ANGEL1: variants seen among roughly 807,000 people sequenced by gnomAD.
ANGEL1 encodes RNA 2',3'-cyclic phosphatase ANGEL1.
A neutral mutation model predicts 76.4 loss-of-function variants in ANGEL1; 62 were observed. The ratio of observed to expected loss-of-function variants is 0.81; its 90% CI spans 0.66 to 1.00. The LOEUF (loss-of-function observed/expected upper bound fraction) is 1.00, where lower values mean the gene tolerates loss of function less well. Ranked by LOEUF, ANGEL1 falls within the 50% of genes least tolerant of loss-of-function variation. ANGEL1 has a pLI of 0.00. For synonymous variants in ANGEL1, 340 were observed against 331.7 expected (o/e 1.03, Z -0.27); for missense variants, 737 against 836.7 (o/e 0.88, Z 1.47).
intron 5 of ANGEL1, chr14:76,804,162 G>C: frequency 7.0e-7 from 1 of 1,427,080 alleles, no homozygotes; most frequent in African/African-American, 1.4e-5. Context: ...AAGGGGAATC[G>C]AATAGTATGA....
intron 1 of ANGEL1, among the ~76,000 whole-genome samples, chr14:76,811,527 G>T (rs879408174): frequency 1.3e-3 from 14 of 10,790 alleles, no homozygotes; most frequent in African/African-American, 2.7e-3. Flanking sequence ...GTGGGGGGGC[G>T]GGGGGGGCCC....
intron 1 of ANGEL1, among the ~76,000 whole-genome samples, chr14:76,810,536 T>C (rs1895053775): frequency 6.6e-6 from 1 of 152,212 alleles, no homozygotes. Flanking sequence ...TCTATTAATG[T>C]ATTCCAAAAG....
At chr14:76,803,178 G>C (rs944142799) in intron 7 of ANGEL1, among the ~76,000 whole-genome samples, 193 bp downstream of exon 7, 9 of 152,184 alleles carry the variant, frequency 5.9e-5, no homozygotes, top group Non-Finnish European at 1.0e-4. Context: ...TTGATTCCTG[G>C]TCCGGCACTC....
Position 76,789,156 on chromosome 14 carries a change from A to G in ANGEL1, c.*72T>C. ...TTCTTGGATCTAAGTTTCTAGATGC[A>G]TGGGATTTTTCCACAGTCTCTGATC... On this transcript the variant is annotated 3_prime_UTR_variant, in exon 10 of 10. Transcript: ENST00000251089. 2 of 1,559,372 alleles carry G rather than the reference A, an allele frequency of 1.3e-6. No homozygotes were observed. The highest frequency in any genetic ancestry group is 1.2e-5 in the South Asian group (1 of 84,812).
Position 76,806,775 on chromosome 14 carries a change from A to G in ANGEL1, c.1021T>C (p.Phe341Leu). 6.2e-7 allele frequency: 1 copy of G among 1,614,204 alleles called. No individual in the cohort carries two copies. The highest frequency in any genetic ancestry group is 2.2e-5 in the East Asian group (1 of 44,880). Residue 341 changes from phenylalanine (F) to leucine (L), a missense_variant, in exon 5 of 10, where the codon TTC (phenylalanine) becomes CTC (leucine). Phe to Leu is a conservative substitution (Grantham distance 22). Around this residue, in one of 2 missense-constraint regions of ANGEL1, gnomAD observed 441 missense variants for 449.5 expected, o/e 0.98. Transcript: ENST00000251089. ...GCAVCYKPTRFRLLCASPVEY... is the reference protein window; with the variant it reads ...GCAVCYKPTRLRLLCASPVEY... ...ACAGGGCTAGCACAGAGCAGGCGGA[A>G]TCTGGTAGGCTTGTAGCAGACAGCA...
At chr14:76,803,972 C>T in intron 5 of ANGEL1, 60 bp from the exon 6 acceptor site, 1 of 1,613,840 alleles carries the variant, frequency 6.2e-7, no homozygotes, top group Admixed American at 1.7e-5. Flanking sequence ...AAGTAACAGC[C>T]CATGTTTTGG....
chr14:76,806,600 C>T lies in ANGEL1; in HGVS notation c.1196G>A (p.Arg399Gln), dbSNP rs776392389. Residue 399 changes from arginine to glutamine, a missense_variant, in exon 5 of 10, where the codon CGG becomes CAG. By Grantham distance (43) the Arg-to-Gln change is conservative (BLOSUM62 1). Around this residue, in one of 2 missense-constraint regions of ANGEL1, gnomAD observed 296 missense variants for 387.2 expected, o/e 0.76. Transcript: ENST00000251089. Reference protein sequence around the residue: ...ANTHILYNPRRGDVKLAQMAI... With the variant: ...ANTHILYNPRQGDVKLAQMAI... ...CATCTGGGCCAGCTTGACATCGCCC[C>T]GGCGTGGGTTGTAAAGGATATGGGT... The T allele has an allele frequency of 4.1e-5, 66 of 1,614,178 alleles. 1 individual carries two copies. The highest frequency in any genetic ancestry group is 2.1e-4 in the South Asian group (19 of 91,078).
At position 76,788,170 on chromosome 14, in the gene ANGEL1, A is replaced by T. The variant is rs1342039876; in HGVS notation, c.*1058T>A. ...GGAGAGGAACAGAAAATTGCTTCTT[A>T]GGAGTGGAGAGGAAAGAGAATCAGC... On this transcript the variant is annotated 3_prime_UTR_variant, in exon 10 of 10. Coordinates refer to ENST00000251089, the MANE Select transcript of ANGEL1 (RefSeq NM_015305.4). 1 of 152,256 alleles carries T rather than the reference A, an allele frequency of 6.6e-6. No individual in the cohort carries two copies. Among genetic ancestry groups the T allele is most frequent in the East Asian group, 1.9e-4 (1 of 5,200 alleles). The allele number at this position is 152,256 out of a possible 1,614,324, so 9.4% of individuals were successfully genotyped here. A position where few individuals can be genotyped will look rare whatever the true frequency, so the allele number is the denominator to read the frequency against.
In ANGEL1 at chr14:76,790,747, G is replaced by A; in HGVS notation, c.1716C>T (p.Leu572=). 1.2e-6 allele frequency: 2 copies of A among 1,614,016 alleles called. No individual in the cohort carries two copies. Residue 572 remains leucine, a synonymous_variant, in exon 9 of 10, where the codon CTC becomes CTT. Transcript: ENST00000251089. Reference sequence around the variant, plus strand: ...AGTGGGTATATACTGACGTCAGGTGGAGGCAGTGCTGGATGGTACCTACAG... The same window carrying A: ...AGTGGGTATATACTGACGTCAGGTGAAGGCAGTGCTGGATGGTACCTACAG... ...SRTVGTIQHC[L]HLTSVYTHFL... is the part of the protein sequence containing the mutation.
intron 4 of ANGEL1, 85 bp downstream of exon 4, chr14:76,807,348 C>T (rs1894947985): frequency 1.4e-6 from 2 of 1,386,084 alleles, no homozygotes; most frequent in African/African-American, 1.4e-5. Context: ...TTTACTAAGA[C>T]AAAAGGAAAG....
rs1180885832 is a variant in ANGEL1, at chr14:76,787,646, T to A, written c.*1582A>T. ...TCTAACCATGAATGCAGCAGCACAA[T>A]GCAAACTGGGTCTTTGGCTTTCAAA... On this transcript the variant is annotated 3_prime_UTR_variant, in exon 10 of 10. Coordinates refer to ENST00000251089, the MANE Select transcript of ANGEL1 (RefSeq NM_015305.4). 1 of 152,608 alleles carries A rather than the reference T, an allele frequency of 6.6e-6. No individual in the cohort carries two copies. The highest frequency in any genetic ancestry group is 1.5e-5 in the Non-Finnish European group (1 of 68,046). The allele number at this position is 152,608 out of a possible 1,614,324, so 9.5% of individuals were successfully genotyped here.
chr14:76,800,488 AC>A (rs372703199), intron 7 of ANGEL1, among the ~76,000 whole-genome samples: 11 of 152,368 alleles, frequency 7.2e-5, no homozygotes, highest in Non-Finnish European at 1.6e-4. Flanking sequence ...TTAAATTCTT[AC>A]AAGAAGAGAA....
chr14:76,790,859 T>G (rs1308182002), intron 8 of ANGEL1, 85 bp from the exon 9 acceptor site: 1 of 1,444,092 alleles, frequency 6.9e-7, no homozygotes, highest in Non-Finnish European at 9.2e-7. Flanking sequence ...TTATGAAGAT[T>G]TTTTAAAAGG....
At position 76,808,070 on chromosome 14, in the gene ANGEL1, A is replaced by G. The variant is rs1347781353; in HGVS notation, c.728T>C (p.Phe243Ser). Residue 243 changes from phenylalanine (F) to serine (S), a missense_variant, in exon 3 of 10, where the codon TTC becomes TCC. Physicochemically the swap from Phe to Ser is radical, Grantham distance 155 (BLOSUM62 -2). This residue lies in a region of ANGEL1 where 441 missense variants were observed against 449.5 expected (regional missense o/e 0.98). Coordinates refer to ENST00000251089, the MANE Select transcript of ANGEL1 (RefSeq NM_015305.4). The stretch of plus-strand genomic sequence containing the variant: ...GTTATAAGACATCAGAGTGAACTGG[A>G]ACTGAGGGCCATCTCCTGCCTTCAG... ...QGLKAGDGPQFQFTLMSYNIL... is the reference protein window; with the variant it reads ...QGLKAGDGPQSQFTLMSYNIL... 6.2e-7 allele frequency: 1 copy of G among 1,614,074 alleles called. No individual in the cohort carries two copies. Among genetic ancestry groups the G allele is most frequent in the Admixed American group, 1.7e-5 (1 of 60,030 alleles).
intron 2 of ANGEL1, 65 bp downstream of exon 2, chr14:76,808,994 A>T: frequency 6.9e-7 from 1 of 1,444,218 alleles, no homozygotes; most frequent in Non-Finnish European, 9.4e-7. Flanking sequence ...TCTCTTTAGC[A>T]ATGGCTCTGC....
chr14:76,787,058 ACAG>A lies in ANGEL1; in HGVS notation c.*2167_*2169del, dbSNP rs1282106649. ...TCAAGCCCTGTTCCTCCCAGGCCTC[ACAG>A]CAGTGGGAATTTACCTCAGCTAATA... On this transcript the variant is annotated 3_prime_UTR_variant, in exon 10 of 10. Coordinates refer to ENST00000251089, the MANE Select transcript of ANGEL1 (RefSeq NM_015305.4). 1 of 152,252 alleles carries A rather than the reference ACAG, an allele frequency of 6.6e-6. No individual in the cohort carries two copies. The highest frequency in any genetic ancestry group is 1.5e-5 in the Non-Finnish European group (1 of 68,066). The allele number at this position is 152,252 out of a possible 1,614,324, so 9.4% of individuals were successfully genotyped here.
In ANGEL1 at chr14:76,803,419, G is replaced by A. The variant is rs775912575; in HGVS notation, c.1570C>T (p.Arg524Ter). Residue 524 changes from arginine (R) to a stop codon, truncating the protein, a stop_gained, in exon 7 of 10, where the codon CGA (arginine) becomes TGA (stop). Transcript: ENST00000251089. LOFTEE classifies it high-confidence loss of function. ...TCCATAAGGACCAGTCCTACTGGTC[G>A]CTGACAAGCGATGCTGCAGAAGCGG... ...RFRFCSIACQRPVGLVLMEGV... is the reference protein window; with the variant it reads ...RFRFCSIACQ 12 of 1,614,090 alleles carry A rather than the reference G, an allele frequency of 7.4e-6. No homozygotes were observed. Among genetic ancestry groups the A allele is most frequent in the South Asian group, 6.6e-5 (6 of 91,086 alleles).
chr14:76,806,356 T>C, intron 5 of ANGEL1, 60 bp downstream of exon 5: 1 of 1,536,288 alleles, frequency 6.5e-7, no homozygotes, highest in Non-Finnish European at 8.8e-7. Flanking sequence ...GCACTGATGC[T>C]AACGCCTGAA....
intron 7 of ANGEL1, among the ~76,000 whole-genome samples, chr14:76,792,795 T>C (rs576662525): frequency 2.0e-4 from 31 of 152,302 alleles, no homozygotes; most frequent in Non-Finnish European, 4.3e-4. Context: ...TCATACTTAA[T>C]GGTGAAAGAC....
Sources: allele counts gnomAD v4.1 joint callset (sites outside exome capture counted in the v4.1 genomes callset), GRCh38; gene constraint gnomAD v4.1.1; regional missense constraint gnomAD v4.1.1; transcripts MANE v1.5; gene names NCBI Gene and HGNC (gene_info 2026-07-23, HGNC 2026-07-21).